Variants in SAXO1 observed in about 807,000 individuals in gnomAD.
The protein encoded by SAXO1 is stabilizer of axonemal microtubules 1, also known as 4930500O09Rik.
SAXO1 carries 21 observed loss-of-function variants against 17.5 expected under a neutral mutation model. That is an observed-to-expected ratio of 1.20 (90% confidence interval 0.85 to 1.72). SAXO1 has a LOEUF of 1.72. Ranked by LOEUF, SAXO1 falls within the 40% of genes most tolerant of loss-of-function variation. SAXO1 has a pLI of 0.00. For synonymous variants in SAXO1, 274 were observed against 216.5 expected (o/e 1.27, Z -2.33); for missense variants, 843 against 596.0 (o/e 1.41, Z -4.32).
chr9:18,975,901 TG>T (rs1833131224), intron 1 of SAXO1, among the ~76,000 whole-genome samples: 1 of 152,078 alleles, frequency 6.6e-6, no homozygotes, highest in Non-Finnish European at 1.5e-5. Context: ...CCAAGAGAGA[TG>T]TAAGTTTCAC....
At chr9:18,961,461 T>C (rs1435823239) in intron 1 of SAXO1, among the ~76,000 whole-genome samples, 2 of 152,174 alleles carry the variant, frequency 1.3e-5, no homozygotes, top group Admixed American at 1.3e-4. Context: ...CTACGTTAGG[T>C]ATTACTCCTA....
At position 19,032,807 on chromosome 9, in the gene SAXO1, T is replaced by G. The variant is rs1349087718; in HGVS notation, c.38+64A>C. The G allele has an allele frequency of 5.7e-6, 9 of 1,568,140 alleles. No homozygotes were observed. In the Admixed American group the frequency reaches 1.4e-4, roughly 24 times the overall value. On this transcript the variant is annotated intron_variant, in intron 1 of 3. Transcript: ENST00000380534. ...CCTGATGAAGCAGCTGGGGGAGGCTTCCCTTCCTCGGGAGTCTGAAAACCC... is the reference window on the plus strand; with the variant it reads ...CCTGATGAAGCAGCTGGGGGAGGCTGCCCTTCCTCGGGAGTCTGAAAACCC...
intron 1 of SAXO1, among the ~76,000 whole-genome samples, chr9:18,986,414 C>T (rs181170223): frequency 5.0e-4 from 76 of 152,234 alleles, no homozygotes; most frequent in African/African-American, 1.6e-3. Context: ...AACAGGATAA[C>T]TGTATTTTCA....
intron 1 of SAXO1, among the ~76,000 whole-genome samples, chr9:18,959,739 C>G (rs1297184459): frequency 6.6e-6 from 1 of 151,434 alleles, no homozygotes; most frequent in African/African-American, 2.4e-5. Context: ...ACATTGCACT[C>G]CAGCCTGGGC....
chr9:19,037,658 T>G (rs1448184215), upstream of SAXO1, among the ~76,000 whole-genome samples: 2 of 152,196 alleles, frequency 1.3e-5, no homozygotes, highest in African/African-American at 2.4e-5. Flanking sequence ...AAACCTCTTT[T>G]CCTTCCAAGT....
At chr9:18,996,660 A>T (rs1330105969) in intron 1 of SAXO1, among the ~76,000 whole-genome samples, 1 of 152,210 alleles carries the variant, frequency 6.6e-6, no homozygotes, top group East Asian at 1.9e-4. Context: ...GACAAAAAAA[A>T]CACTCACTAA....
At chr9:19,014,645 T>A (rs1474253093) in intron 1 of SAXO1, among the ~76,000 whole-genome samples, 1 of 152,066 alleles carries the variant, frequency 6.6e-6, no homozygotes, top group African/African-American at 2.4e-5. Flanking sequence ...AACTACAAGA[T>A]GCTTTGTCAG....
In SAXO1 at chr9:18,928,659, TC is replaced by T. The variant is rs759044541; in HGVS notation, c.817del (p.Glu273SerfsTer32). The T allele has an allele frequency of 1.2e-6, 2 of 1,613,804 alleles. No individual in the cohort carries two copies. Among genetic ancestry groups the T allele is most frequent in the African/African-American group, 2.7e-5 (2 of 74,820 alleles). ...GLDMPFCNTT[E>X]FRDKYQAWPM... ...CCAAGCTTGGTACTTATCTCGAAAC[TC>T]AGTGGTGTTACAGAAAGGCATGTCT... On this transcript the variant is annotated frameshift_variant, in exon 4 of 4. Coordinates refer to ENST00000380534, the MANE Select transcript of SAXO1 (RefSeq NM_153707.4). LOFTEE classifies it low-confidence loss of function (END_TRUNC).
At chr9:18,970,244 C>T (rs888973497) in intron 1 of SAXO1, among the ~76,000 whole-genome samples, 1 of 152,186 alleles carries the variant, frequency 6.6e-6, no homozygotes, top group Non-Finnish European at 1.5e-5. Flanking sequence ...AACAGTTATG[C>T]TATATACCAT....
At chr9:19,005,567 G>A (rs183565039) in intron 1 of SAXO1, among the ~76,000 whole-genome samples, 7 of 152,238 alleles carry the variant, frequency 4.6e-5, no homozygotes, top group Admixed American at 4.6e-4. Context: ...GGAAAAGTTG[G>A]ATATCCACAC....
At chr9:18,977,757 T>G (rs1344007) in intron 1 of SAXO1, among the ~76,000 whole-genome samples, 122,823 of 151,950 alleles carry the variant, frequency 0.81, 49,807 homozygotes, top group African/African-American at 0.83. Context: ...CACTTTGAGA[T>G]GCCAAGGCAG....
chr9:19,000,470 G>C lies in SAXO1; in HGVS notation c.38+32401C>G, dbSNP rs573232072. On this transcript the variant is annotated intron_variant, in intron 1 of 3. Coordinates refer to ENST00000380534, the MANE Select transcript of SAXO1 (RefSeq NM_153707.4). ...GGCCGCCCCACCGTCTGGGATGTGA[G>C]GAGTGCCTCTGCCCGCCCACTGCCC... Among the ~76,000 whole-genome samples, 3 of 152,094 alleles carry C rather than the reference G, an allele frequency of 2.0e-5. No individual in the cohort carries two copies. The East Asian group carries it at 5.8e-4, about 30-fold the overall frequency.
intron 1 of SAXO1, among the ~76,000 whole-genome samples, chr9:19,030,999 G>C (rs1031910512): frequency 6.6e-6 from 1 of 152,180 alleles, no homozygotes. Context: ...AAGGAGAAGA[G>C]ACACAAGAAC....
intron 1 of SAXO1, among the ~76,000 whole-genome samples, chr9:19,046,718 AAATT>A (rs1176322880): frequency 6.6e-6 from 1 of 151,628 alleles, no homozygotes; most frequent in African/African-American, 2.4e-5. Context: ...AAAAAAAAAA[AAATT>A]AAGCATAGTG....
At chr9:19,024,878 G>T (rs1362993395) in intron 1 of SAXO1, among the ~76,000 whole-genome samples, 1 of 152,114 alleles carries the variant, frequency 6.6e-6, no homozygotes, top group Non-Finnish European at 1.5e-5. Flanking sequence ...TATCAATGGA[G>T]GGAATGACGT....
chr9:18,929,938 C>T (rs1038052172), intron 3 of SAXO1, among the ~76,000 whole-genome samples: 5 of 152,194 alleles, frequency 3.3e-5, no homozygotes, highest in Non-Finnish European at 5.9e-5. Context: ...CATACATGAT[C>T]TTGTTTCATC....
rs543618399 is a variant in SAXO1, at chr9:19,046,416, C to T, written c.-158+2793G>A. Among the ~76,000 whole-genome samples the T allele has an allele frequency of 3.9e-5, 6 of 152,270 alleles. No individual in the cohort carries two copies. In the South Asian group the frequency reaches 1.2e-3, roughly 32 times the overall value. On this transcript the variant is annotated intron_variant, in intron 1 of 3. Coordinates refer to the SAXO1 transcript ENST00000542071. ...AAAAAATATTTAAAAATTAGGCAGG[C>T]CAGGTGCGGTGGCTCACGCCTGTAA...
chr9:18,972,584 G>A lies in SAXO1; in HGVS notation c.39-21647C>T, dbSNP rs1351818472. 2.6e-5 allele frequency among the ~76,000 whole-genome samples: 4 copies of A among 152,138 alleles called. 1 individual carries two copies. Among genetic ancestry groups the A allele is most frequent in the Non-Finnish European group, 5.9e-5 (4 of 68,036 alleles). On this transcript the variant is annotated intron_variant, in intron 1 of 3. Coordinates refer to ENST00000380534, the MANE Select transcript of SAXO1 (RefSeq NM_153707.4). ...AAAAAAACTCAAAACCTGAGGTTGT[G>A]AGTCATGCTACATGAACAGTCTAGG...
intron 1 of SAXO1, among the ~76,000 whole-genome samples, chr9:19,041,874 T>C (rs1447162871): frequency 6.6e-6 from 1 of 152,090 alleles, no homozygotes; most frequent in Non-Finnish European, 1.5e-5. Context: ...CTCCAGAACA[T>C]TGGTCTGGAC....
Sources: allele counts gnomAD v4.1 joint callset (sites outside exome capture counted in the v4.1 genomes callset), GRCh38; gene constraint gnomAD v4.1.1; transcripts MANE v1.5; gene names NCBI Gene and HGNC (gene_info 2026-07-23, HGNC 2026-07-21).